SERINC5: variants seen among roughly 807,000 people sequenced by gnomAD.
SERINC5 encodes chromosome 5 open reading frame 12.
In SERINC5, 41 loss-of-function variants were observed where a neutral mutation model predicts 63.1. That is an observed-to-expected ratio of 0.65 (90% CI 0.51 to 0.84). The LOEUF is 0.84. Among genes scored for constraint, SERINC5 ranks in the 40% least tolerant of loss-of-function variants. SERINC5 has a pLI of 0.00. For missense variants in SERINC5, 523 were observed against 573.0 expected, an observed-to-expected ratio of 0.91 and a Z score of 0.89; for synonymous variants, 222 against 215.2, an observed-to-expected ratio of 1.03 and a Z score of -0.28.
downstream of SERINC5, among the ~76,000 whole-genome samples, chr5:80,135,373 G>A (rs1444417151): frequency 6.6e-6 from 1 of 152,148 alleles, no homozygotes; most frequent in East Asian, 1.9e-4. Flanking sequence ...GGCCGACCCA[G>A]AAGGTGGAGT....
At chr5:80,219,895 G>A (rs1234197780) in intron 1 of SERINC5, among the ~76,000 whole-genome samples, 1 of 151,968 alleles carries the variant, frequency 6.6e-6, no homozygotes, top group Admixed American at 6.6e-5. Context: ...ACACAACCAA[G>A]TACGGGAGTA....
chr5:80,230,459 A>AAAAAAAAG (rs70982042), intron 1 of SERINC5, among the ~76,000 whole-genome samples: 15,728 of 128,124 alleles, frequency 0.12, 1,505 homozygotes, highest in African/African-American at 0.21. Flanking sequence ...AAAAAAAAAA[A>AAAAAAAAG]AAAGAAACCA....
At chr5:80,204,537 A>C (rs1344927486) in intron 1 of SERINC5, among the ~76,000 whole-genome samples, 1 of 152,222 alleles carries the variant, frequency 6.6e-6, no homozygotes, top group Non-Finnish European at 1.5e-5. Flanking sequence ...TGTGTGAACA[A>C]AGCTTTCATC....
At chr5:80,244,867 C>T (rs879373728) in intron 1 of SERINC5, among the ~76,000 whole-genome samples, 9 of 152,084 alleles carry the variant, frequency 5.9e-5, no homozygotes, top group Non-Finnish European at 1.2e-4. Context: ...CTCACTCTGC[C>T]GCCCAAGCTG....
intron 2 of SERINC5, among the ~76,000 whole-genome samples, chr5:80,179,948 C>G (rs1193755324): frequency 6.6e-6 from 1 of 152,144 alleles, no homozygotes; most frequent in Non-Finnish European, 1.5e-5. Context: ...GGCAAAAACC[C>G]AATATCCTGT....
At chr5:80,163,177 G>A (rs1747056094) in intron 7 of SERINC5, among the ~76,000 whole-genome samples, 1 of 151,616 alleles carries the variant, frequency 6.6e-6, no homozygotes, top group Admixed American at 6.6e-5. Context: ...ATTTTTGTAT[G>A]TTGACTTTGT....
intron 2 of SERINC5, among the ~76,000 whole-genome samples, chr5:80,180,579 T>G (rs1243015660): frequency 6.6e-6 from 1 of 152,166 alleles, no homozygotes; most frequent in Non-Finnish European, 1.5e-5. Flanking sequence ...CAGAATCCTC[T>G]GTGGCTGGCG....
intron 2 of SERINC5, among the ~76,000 whole-genome samples, chr5:80,201,889 G>A (rs1749859465): frequency 6.6e-6 from 1 of 152,170 alleles, no homozygotes; most frequent in South Asian, 2.1e-4. Flanking sequence ...GAGAATATCA[G>A]CTTTATTATA....
chr5:80,192,743 A>C (rs1026248540), intron 2 of SERINC5, among the ~76,000 whole-genome samples: 1 of 152,146 alleles, frequency 6.6e-6, no homozygotes, highest in East Asian at 1.9e-4. Context: ...CAGAATACCC[A>C]ACCCCTTATG....
chr5:80,238,601 T>C (rs1199367726), intron 1 of SERINC5, among the ~76,000 whole-genome samples: 2 of 151,932 alleles, frequency 1.3e-5, no homozygotes, highest in Non-Finnish European at 2.9e-5. Flanking sequence ...CTGACCAACG[T>C]GGCAAAACCC....
chr5:80,147,151 C>T, intron 10 of SERINC5, 94 bp downstream of exon 10: 1 of 1,139,310 alleles, frequency 8.8e-7, no homozygotes, highest in South Asian at 1.4e-5. Flanking sequence ...CCTTACTATT[C>T]AAGTTATTTG....
chr5:80,124,220 C>T (rs763531339), intron 11 of SERINC5, among the ~76,000 whole-genome samples: 148 of 152,184 alleles, frequency 9.7e-4, no homozygotes, highest in Non-Finnish European at 1.6e-3. Flanking sequence ...TTGCCCCTAC[C>T]TCCAACTTTG....
In SERINC5 at chr5:80,214,568, A is replaced by AAAAT. The variant is rs1554069224; in HGVS notation, c.28-11516_28-11515insATTT. The stretch of plus-strand genomic sequence containing the variant: ...TTGAGGCATTAAAAAAACAAAAAAA[A>AAAAT]AACGAACAAAAAAACACCTCCTGTA... On this transcript the variant is annotated intron_variant, in intron 1 of 11. Transcript: ENST00000507668. 3.0e-3 allele frequency among the ~76,000 whole-genome samples: 456 copies of AAAAT among 151,450 alleles called. 2 individuals carry two copies. Among genetic ancestry groups the AAAAT allele is most frequent in the African/African-American group, 0.01 (416 of 41,190 alleles).
intron 1 of SERINC5, among the ~76,000 whole-genome samples, chr5:80,231,778 A>G (rs561212114): frequency 1.2e-3 from 178 of 152,234 alleles, no homozygotes; most frequent in African/African-American, 4.1e-3. Flanking sequence ...ATGAAGTTGG[A>G]CCCTTTCCCC....
intron 7 of SERINC5, among the ~76,000 whole-genome samples, chr5:80,163,812 G>A (rs1747097138): frequency 4.6e-5 from 7 of 152,018 alleles, no homozygotes. Context: ...TTCATCAGGG[G>A]TATTGGTCTG....
In SERINC5 at chr5:80,165,992, T is replaced by C. The variant is rs77858917; in HGVS notation, c.859+391A>G. 8.8e-3 allele frequency among the ~76,000 whole-genome samples: 1,336 copies of C among 152,356 alleles called. 7 individuals carry two copies. Among genetic ancestry groups the C allele is most frequent in the Non-Finnish European group, 0.015 (1,036 of 68,038 alleles). On this transcript the variant is annotated intron_variant, in intron 7 of 11. Coordinates refer to ENST00000507668, the MANE Select transcript of SERINC5 (RefSeq NM_001174072.3). ...AATTTTTGTGGATACATAGTAGGCG[T>C]ACATATTTCTGTGGTACATGAGATG...
At chr5:80,220,718 G>C (rs1750862135) in intron 1 of SERINC5, among the ~76,000 whole-genome samples, 1 of 152,072 alleles carries the variant, frequency 6.6e-6, no homozygotes, top group Admixed American at 6.6e-5. Flanking sequence ...TGGAGAGAAA[G>C]GAATCTGAGG....
chr5:80,144,435 C>A (rs574791139), intron 11 of SERINC5, among the ~76,000 whole-genome samples: 73 of 152,330 alleles, frequency 4.8e-4, no homozygotes, highest in African/African-American at 1.7e-3. Flanking sequence ...ATGCCAAACT[C>A]TTTTCCAAAG....
At chr5:80,174,658 C>A (rs1458696475) in intron 5 of SERINC5, among the ~76,000 whole-genome samples, 1 of 151,962 alleles carries the variant, frequency 6.6e-6, no homozygotes, top group East Asian at 1.9e-4. Flanking sequence ...AATCCCAGCA[C>A]TTTGGGAGGC....
Sources: allele counts gnomAD v4.1 joint callset (sites outside exome capture counted in the v4.1 genomes callset), GRCh38; gene constraint gnomAD v4.1.1; transcripts MANE v1.5; gene names NCBI Gene and HGNC (gene_info 2026-07-23, HGNC 2026-07-21).